The following ADAMTS18 variants were observed in gnomAD, a reference collection of about 807,000 sequenced individuals.
ADAMTS18 encodes ADAM metallopeptidase with thrombospondin type 1 motif 18.
A neutral mutation model predicts 165.9 loss-of-function variants in ADAMTS18; 157 were observed. The observed-to-expected ratio is 0.95, with a 90% CI of 0.83 to 1.08. ADAMTS18 has a LOEUF of 1.08. Among genes scored for constraint, ADAMTS18 ranks in the 50% least tolerant of loss-of-function variants. The pLI, the probability that ADAMTS18 is intolerant of heterozygous loss-of-function variation, is 0.00. For missense variants in ADAMTS18, 2,040 were observed against 1,534.0 expected (o/e 1.33, Z -5.51); for synonymous variants, 782 against 578.2 (o/e 1.35, Z -5.06).
At chr16:77,376,375 A>T (rs1368283158) in intron 3 of ADAMTS18, among the ~76,000 whole-genome samples, 3 of 152,184 alleles carry the variant, frequency 2.0e-5, no homozygotes, top group African/African-American at 7.2e-5. Flanking sequence ...TGGGAATTAC[A>T]AATCCACGTG....
At chr16:77,353,074 T>C (rs573364142) in intron 10 of ADAMTS18, among the ~76,000 whole-genome samples, 44 of 150,836 alleles carry the variant, frequency 2.9e-4, no homozygotes, top group African/African-American at 1.1e-3. Context: ...AGTGAGACTC[T>C]GTCTCAAAAC....
chr16:77,367,572 C>T lies in ADAMTS18; in HGVS notation c.647G>A (p.Gly216Asp). 6.2e-7 allele frequency: 1 copy of T among 1,614,204 alleles called. No individual in the cohort carries two copies. Among genetic ancestry groups the T allele is most frequent in the East Asian group, 2.2e-5 (1 of 44,880 alleles). The change falls in exon 4 of 23, where the codon GGC (glycine) becomes GAC (aspartate). Residue 216 changes from glycine (G) to aspartate (D), a missense_variant. Coordinates refer to ENST00000282849, the MANE Select transcript of ADAMTS18 (RefSeq NM_199355.4). ...TAEEKIQRYRGYPGSGRNYPG... is the reference protein window; with the variant it reads ...TAEEKIQRYRDYPGSGRNYPG... ...ATAATTCCGGCCAGAGCCGGGGTAG[C>T]CACGGTACCGCTGGATCTTCTCCTC... is the stretch of plus-strand genomic sequence containing the variant.
At chr16:77,401,530 G>A (rs576643734) in intron 3 of ADAMTS18, among the ~76,000 whole-genome samples, 7 of 152,218 alleles carry the variant, frequency 4.6e-5, no homozygotes, top group Non-Finnish European at 8.8e-5. Flanking sequence ...TCTGGCTGCA[G>A]AGCCTCAGTC....
At chr16:77,346,892 C>T (rs1228593650) in intron 10 of ADAMTS18, among the ~76,000 whole-genome samples, 1 of 152,034 alleles carries the variant, frequency 6.6e-6, no homozygotes, top group Admixed American at 6.6e-5. Context: ...ATATATACAC[C>T]ACTATAAACA....
At chr16:77,415,669 T>A (rs1217047735) in intron 3 of ADAMTS18, among the ~76,000 whole-genome samples, 1 of 139,798 alleles carries the variant, frequency 7.2e-6, no homozygotes, top group South Asian at 2.2e-4. Context: ...GGAGGGTAGA[T>A]CCTTAAGGAA....
intron 3 of ADAMTS18, among the ~76,000 whole-genome samples, chr16:77,388,493 T>C (rs917811708): frequency 1.3e-5 from 2 of 152,204 alleles, no homozygotes; most frequent in South Asian, 2.1e-4. Flanking sequence ...TGGAACCAAA[T>C]GTGTGGGTTC....
intron 3 of ADAMTS18, among the ~76,000 whole-genome samples, chr16:77,390,340 G>T (rs1354159051): frequency 6.6e-6 from 1 of 152,124 alleles, no homozygotes; most frequent in Non-Finnish European, 1.5e-5. Context: ...CTTTTTTGCA[G>T]GTAACTGTGT....
At chr16:77,403,376 C>A (rs566595095) in intron 3 of ADAMTS18, among the ~76,000 whole-genome samples, 208 of 152,274 alleles carry the variant, frequency 1.4e-3, no homozygotes, top group African/African-American at 4.6e-3. Context: ...GCAACTTTCT[C>A]AATGTCACAA....
chr16:77,361,635 G>C (rs1567512833), intron 7 of ADAMTS18, among the ~76,000 whole-genome samples: 3 of 152,174 alleles, frequency 2.0e-5, no homozygotes, highest in Non-Finnish European at 1.5e-5. Context: ...TGTAGTCCCA[G>C]GACTTTGGGA....
intron 21 of ADAMTS18, chr16:77,290,448 C>T (rs1397780869): frequency 6.6e-6 from 1 of 152,134 alleles, no homozygotes; most frequent in Non-Finnish European, 1.5e-5. Context: ...AAAGAAATCC[C>T]CAGCAATATG....
chr16:77,391,916 G>C (rs1597215853), intron 3 of ADAMTS18, among the ~76,000 whole-genome samples: 1 of 152,188 alleles, frequency 6.6e-6, no homozygotes, highest in Non-Finnish European at 1.5e-5. Flanking sequence ...TGGTGAAACA[G>C]ACAGAGGTGC....
intron 3 of ADAMTS18, among the ~76,000 whole-genome samples, chr16:77,375,996 C>A (rs371621392): frequency 8.2e-5 from 12 of 146,672 alleles, no homozygotes; most frequent in Non-Finnish European, 1.2e-4. Flanking sequence ...CGCTGCCTCC[C>A]GGGTTCAAGC....
chr16:77,317,691 A>G (rs962581638), intron 16 of ADAMTS18, among the ~76,000 whole-genome samples: 1 of 152,206 alleles, frequency 6.6e-6, no homozygotes, highest in Non-Finnish European at 1.5e-5. Flanking sequence ...AATTTCACCC[A>G]CCATAACTCA....
chr16:77,288,928 T>A (rs995755982), intron 22 of ADAMTS18, among the ~76,000 whole-genome samples: 4 of 152,064 alleles, frequency 2.6e-5, no homozygotes, highest in Non-Finnish European at 5.9e-5. Flanking sequence ...CTACTAAAAA[T>A]TCAAAAATTA....
At chr16:77,331,615 T>C (rs549984742) in intron 12 of ADAMTS18, among the ~76,000 whole-genome samples, 1 of 152,280 alleles carries the variant, frequency 6.6e-6, no homozygotes, top group Non-Finnish European at 1.5e-5. Context: ...TTTTGTCCCA[T>C]ATAGGACATT....
intron 10 of ADAMTS18, among the ~76,000 whole-genome samples, chr16:77,348,955 G>A (rs1340590048): frequency 6.6e-6 from 1 of 152,118 alleles, no homozygotes; most frequent in Non-Finnish European, 1.5e-5. Flanking sequence ...TTGTAGACAC[G>A]GAAAAGGAAA....
intron 12 of ADAMTS18, among the ~76,000 whole-genome samples, chr16:77,328,155 A>C (rs2056126883): frequency 6.6e-6 from 1 of 152,136 alleles, no homozygotes; most frequent in Non-Finnish European, 1.5e-5. Flanking sequence ...CTTGGTAGGC[A>C]GATTCTAATC....
intron 19 of ADAMTS18, among the ~76,000 whole-genome samples, chr16:77,294,531 T>A (rs1006265774): frequency 2.0e-5 from 3 of 152,232 alleles, no homozygotes; most frequent in Admixed American, 6.5e-5. Flanking sequence ...CTCTGTATTC[T>A]TCTAACTTTA....
intron 16 of ADAMTS18, 129 bp downstream of exon 16, chr16:77,319,720 G>C: frequency 6.8e-7 from 1 of 1,480,276 alleles, no homozygotes; most frequent in Non-Finnish European, 9.3e-7. Context: ...TGGGATTACA[G>C]GCATGAGCCA....
Sources: allele counts gnomAD v4.1 joint callset (sites outside exome capture counted in the v4.1 genomes callset), GRCh38; gene constraint gnomAD v4.1.1; transcripts MANE v1.5; gene names NCBI Gene and HGNC (gene_info 2026-07-23, HGNC 2026-07-21).